Variants in MAF observed in about 807,000 individuals in gnomAD.
The protein encoded by MAF is transcription factor Maf.
A neutral mutation model predicts 22.0 loss-of-function variants in MAF; 10 were observed. That is an observed-to-expected ratio of 0.45 (90% confidence interval 0.28 to 0.77). MAF has a LOEUF of 0.77. MAF is among the 30% of genes least tolerant of loss of function. The probability of loss-of-function intolerance (pLI) is 0.12; values close to 1 mark genes in which losing one functional copy is unlikely to be tolerated. For missense variants in MAF, 544 were observed against 548.4 expected (o/e 0.99, Z 0.08); for synonymous variants, 337 against 255.8 (o/e 1.32, Z -3.03).
chr16:79,279,594 G>C, the MAF span, among the ~76,000 whole-genome samples: 5 of 152,080 alleles, frequency 3.3e-5, no homozygotes, highest in African/African-American at 4.8e-5. Context: ...GGACATTCAA[G>C]CACTGACCCC....
the MAF span, among the ~76,000 whole-genome samples, chr16:79,476,760 G>C: frequency 1.3e-5 from 2 of 152,202 alleles, no homozygotes; most frequent in African/African-American, 4.8e-5. Flanking sequence ...AGTAGACTTG[G>C]AGTCACATGG....
chr16:79,495,628 G>T, the MAF span, among the ~76,000 whole-genome samples: 1 of 152,138 alleles, frequency 6.6e-6, no homozygotes, highest in Admixed American at 6.5e-5. Context: ...ATTAGGGCAT[G>T]AATATTATTC....
chr16:79,212,231 C>A, the MAF span: 3 of 1,369,640 alleles, frequency 2.2e-6, no homozygotes, highest in Non-Finnish European at 2.9e-6. Flanking sequence ...GTTCACTGCT[C>A]CTTGCTGCAT....
chr16:79,324,744 G>T, the MAF span, among the ~76,000 whole-genome samples: 1 of 151,896 alleles, frequency 6.6e-6, no homozygotes, highest in African/African-American at 2.4e-5. Flanking sequence ...ATGAAGGAAA[G>T]GTGAAGGGGG....
the MAF span, among the ~76,000 whole-genome samples, chr16:79,494,553 A>C: frequency 1.3e-5 from 2 of 152,172 alleles, no homozygotes; most frequent in African/African-American, 4.8e-5. Flanking sequence ...AATCCAGGAT[A>C]ATCTCCCACC....
At chr16:79,319,127 C>A in the MAF span, among the ~76,000 whole-genome samples, 9,609 of 152,202 alleles carry the variant, frequency 0.063, 633 homozygotes, top group African/African-American at 0.17. Context: ...CTGGCACACT[C>A]CAAATATCCA....
At chr16:79,207,740 T>G in the MAF span, among the ~76,000 whole-genome samples, 1 of 152,208 alleles carries the variant, frequency 6.6e-6, no homozygotes, top group Admixed American at 6.5e-5. Flanking sequence ...CCTGTGAGTA[T>G]TATATTAGAG....
the MAF span, among the ~76,000 whole-genome samples, chr16:79,431,479 A>G: frequency 9.2e-5 from 14 of 152,154 alleles, no homozygotes; most frequent in African/African-American, 3.1e-4. Context: ...GCATCTTATT[A>G]AGTATTTAAA....
chr16:79,353,295 A>G, the MAF span, among the ~76,000 whole-genome samples: 1 of 151,980 alleles, frequency 6.6e-6, no homozygotes, highest in Non-Finnish European at 1.5e-5. Flanking sequence ...CACCTAGCTA[A>G]TTTTTGTATT....
chr16:79,251,429 C>G, the MAF span, among the ~76,000 whole-genome samples: 1 of 150,940 alleles, frequency 6.6e-6, no homozygotes, highest in Non-Finnish European at 1.5e-5. Context: ...AATTCTCCTG[C>G]GTCAGCCTCC....
At chr16:79,575,570 C>A in the MAF span, among the ~76,000 whole-genome samples, 14 of 152,212 alleles carry the variant, frequency 9.2e-5, no homozygotes, top group South Asian at 2.5e-3. Context: ...AAGGAACTGG[C>A]ATGTTTAGGG....
the MAF span, among the ~76,000 whole-genome samples, chr16:79,298,479 T>C: frequency 2.0e-5 from 3 of 152,308 alleles, no homozygotes; most frequent in African/African-American, 7.2e-5. Flanking sequence ...TATATTTCCC[T>C]TGACAACCAG....
downstream of MAF, among the ~76,000 whole-genome samples, chr16:79,592,998 G>A (rs377681891): frequency 3.9e-5 from 6 of 152,170 alleles, no homozygotes; most frequent in African/African-American, 1.4e-4. Flanking sequence ...ATGGAAATCA[G>A]ACGGCTGAAG....
chr16:79,389,938 T>C, the MAF span, among the ~76,000 whole-genome samples: 9 of 116,598 alleles, frequency 7.7e-5, no homozygotes, highest in Non-Finnish European at 1.1e-4. Context: ...ATCGTACCAC[T>C]GCACCTCCAG....
At chr16:79,537,193 G>A in the MAF span, among the ~76,000 whole-genome samples, 1 of 152,184 alleles carries the variant, frequency 6.6e-6, no homozygotes, top group African/African-American at 2.4e-5. Context: ...GTTCATATCT[G>A]CTTTGAGATA....
chr16:79,542,412 A>T, the MAF span, among the ~76,000 whole-genome samples: 1 of 152,200 alleles, frequency 6.6e-6, no homozygotes, highest in Non-Finnish European at 1.5e-5. Flanking sequence ...AGTCAAGGCC[A>T]GCTTCCAGGC....
chr16:79,445,761 G>C, the MAF span, among the ~76,000 whole-genome samples: 2 of 152,222 alleles, frequency 1.3e-5, no homozygotes, highest in Non-Finnish European at 2.9e-5. Context: ...AGGTAGTTCT[G>C]AAATATTCCA....
chr16:79,314,728 G>A, the MAF span, among the ~76,000 whole-genome samples: 4 of 152,140 alleles, frequency 2.6e-5, no homozygotes, highest in African/African-American at 9.7e-5. Flanking sequence ...CATTGCTTAA[G>A]GGCCTCTAGA....
At chr16:79,513,157 C>T in the MAF span, among the ~76,000 whole-genome samples, 3,081 of 152,352 alleles carry the variant, frequency 0.02, 96 homozygotes, top group African/African-American at 0.066. Flanking sequence ...GGGTGGAGGA[C>T]AGACCAAAGC....
Sources: gnomAD v4.1 joint callset for allele counts (sites outside exome capture counted in the v4.1 genomes callset) on GRCh38, gnomAD v4.1.1 for gene constraint, MANE v1.5 for transcripts, NCBI Gene and HGNC (gene_info 2026-07-23, HGNC 2026-07-21) for gene names.